RNF213: variants seen among roughly 807,000 people sequenced by gnomAD.
RNF213 encodes ring finger protein 213.
RNF213 carries 341 observed loss-of-function variants against 514.4 expected under a neutral mutation model. The observed-to-expected ratio is 0.66, with a 90% CI of 0.61 to 0.73. RNF213 has a LOEUF of 0.73. Ranked by LOEUF, RNF213 falls within the 30% of genes least tolerant of loss-of-function variation. The pLI, the probability that RNF213 is intolerant of heterozygous loss-of-function variation, is 0.00. For synonymous variants in RNF213, 2,655 were observed against 2,658.2 expected (o/e 1.00, Z 0.04); for missense variants, 5,767 against 6,615.6 (o/e 0.87, Z 4.45).
Position 80,347,081 on chromosome 17 carries a change from G to T in RNF213, c.8746G>T (p.Gly2916Cys), listed in dbSNP as rs577040275. 1 of 1,614,080 alleles carries T rather than the reference G, an allele frequency of 6.2e-7. No homozygotes were observed. The highest frequency in any genetic ancestry group is 8.5e-7 in the Non-Finnish European group (1 of 1,180,020). Residue 2916 changes from glycine to cysteine, a missense_variant, in exon 29 of 68, where the codon GGC becomes TGC. Gly to Cys is a radical substitution (Grantham distance 159). Transcript: ENST00000582970. The surrounding 1 kb of genome is among the most constrained non-coding windows in gnomAD (Gnocchi z 7.2). The part of the protein sequence containing the change: ...NETELIESAK[G>C]ICSSDILVQD... ...GACAGAGCTCATAGAGAGCGCCAAGGGCATCTGCTCCTCAGACATCCTCGT... is the reference window on the plus strand; with the variant it reads ...GACAGAGCTCATAGAGAGCGCCAAGTGCATCTGCTCCTCAGACATCCTCGT...
At chr17:80,349,094 G>A (rs945379394) in intron 29 of RNF213, among the ~76,000 whole-genome samples, 2 of 152,202 alleles carry the variant, frequency 1.3e-5, no homozygotes, top group Non-Finnish European at 2.9e-5. Flanking sequence ...CCACCACCCA[G>A]TGGGGGGATG....
At chr17:80,354,230 C>T (rs915704311) in intron 35 of RNF213, 64 bp downstream of exon 35, 3 of 1,575,534 alleles carry the variant, frequency 1.9e-6, no homozygotes, top group Non-Finnish European at 1.7e-6. Flanking sequence ...GAGTGGGCAT[C>T]ATTTCACTGT....
rs568226564 is a variant in RNF213, at chr17:80,290,912, C to T, written c.1271+184C>T. ...GCAGCCTCCGCCTCCTGGGTTCAAG[C>T]GATTCTCATGCCTCAGCTCCCAAGT... On this transcript the variant is annotated intron_variant, in intron 7 of 67. Transcript: ENST00000582970. Among the ~76,000 whole-genome samples, 86 of 151,744 alleles carry T rather than the reference C, an allele frequency of 5.7e-4. 1 individual carries two copies. The highest frequency in any genetic ancestry group is 3.4e-3 in the Middle Eastern group (1 of 290).
Position 80,263,515 on chromosome 17 carries a change from C to T in RNF213, c.-108-59C>T. On this transcript the variant is annotated intron_variant, in intron 1 of 67. Coordinates refer to ENST00000582970, the MANE Select transcript of RNF213 (RefSeq NM_001256071.3). The surrounding 1 kb of genome is among the most constrained non-coding windows in gnomAD (Gnocchi z 4.9). The stretch of plus-strand genomic sequence containing the variant: ...GGAGGGGCTGGGCTTGGGCTGTGCT[C>T]CTGTTGGGTTTCCATTAACCAGGGG... 1.5e-6 allele frequency: 1 copy of T among 672,504 alleles called. No individual in the cohort carries two copies. The allele number at this position is 672,504 out of a possible 1,614,324, so 41.7% of individuals were successfully genotyped here.
At chr17:80,286,946 C>T (rs2044492859) in intron 3 of RNF213, among the ~76,000 whole-genome samples, 1 of 152,222 alleles carries the variant, frequency 6.6e-6, no homozygotes, top group Non-Finnish European at 1.5e-5. Flanking sequence ...GCTGTGCCTG[C>T]TGAGGGTGCG....
At position 80,336,388 on chromosome 17, in the gene RNF213, A is replaced by T. The variant is rs2077988252; in HGVS notation, c.4527+10A>T. 6.5e-7 allele frequency: 1 copy of T among 1,536,508 alleles called. No individual in the cohort carries two copies. Among genetic ancestry groups the T allele is most frequent in the Non-Finnish European group, 8.7e-7 (1 of 1,146,354 alleles). ...CCTGCCCAGGAAACTGGTGAGTCTT[A>T]TTCTGTCTCTAATGCAGATTTTGTT... On this transcript the variant is annotated intron_variant, in intron 23 of 67. Coordinates refer to ENST00000582970, the MANE Select transcript of RNF213 (RefSeq NM_001256071.3).
At chr17:80,393,213 T>G (rs2080554125) in intron 67 of RNF213, 132 bp from the exon 68 acceptor site, 2 of 877,922 alleles carry the variant, frequency 2.3e-6, no homozygotes, top group Admixed American at 3.8e-5. Flanking sequence ...ACTCCTGACC[T>G]CCACTGACCC....
At chr17:80,290,484 CACGT>C (rs1341645725) in intron 6 of RNF213, 82 bp from the exon 7 acceptor site, 1 of 1,523,346 alleles carries the variant, frequency 6.6e-7, no homozygotes, top group Non-Finnish European at 9.1e-7. Flanking sequence ...TGTGTGTGCG[CACGT>C]GTGTGTGTGC....
intron 3 of RNF213, chr17:80,279,025 T>TGCCC: frequency 7.1e-7 from 1 of 1,405,592 alleles, no homozygotes. Context: ...CGAGGAAGGC[T>TGCCC]GCCCAGGATG....
chr17:80,278,795 C>T (rs1341366717), intron 3 of RNF213: 23 of 1,537,088 alleles, frequency 1.5e-5, no homozygotes, highest in Non-Finnish European at 2.0e-5. Flanking sequence ...GTAGATGCTG[C>T]TGTAGACCTC....
Position 80,347,411 on chromosome 17 carries a change from T to C in RNF213, c.9076T>C (p.Ser3026Pro), listed in dbSNP as rs1568107848. The C allele has an allele frequency of 1.9e-6, 3 of 1,613,922 alleles. No homozygotes were observed. The highest frequency in any genetic ancestry group is 2.5e-6 in the Non-Finnish European group (3 of 1,180,028). Residue 3026 changes from serine (S) to proline (P), a missense_variant, in exon 29 of 68, where the codon TCT becomes CCT. Coordinates refer to ENST00000582970, the MANE Select transcript of RNF213 (RefSeq NM_001256071.3). This position sits in a 1 kb window ranked among gnomAD's most constrained non-coding sequence, Gnocchi z 7.2. The stretch of plus-strand genomic sequence containing the variant: ...GATCAAACAGAACATCTTTGGGCCT[T>C]CTCAGAAGGTGCCGGGTGGAGAGCA... ...QLIKQNIFGP[S>P]QKVPGGEQED... is the part of the protein sequence containing the mutation.
In RNF213 at chr17:80,358,483, A is replaced by G. The variant is rs367780163; in HGVS notation, c.11054+4A>G. ...CTCTTGTGATGAATAATGAAAGGTG[A>G]GTGGAAGGCTTTCTTTCCCTGGGGA... On this transcript the variant is annotated splice_donor_region_variant and intron_variant, in intron 37 of 67. Coordinates refer to ENST00000582970, the MANE Select transcript of RNF213 (RefSeq NM_001256071.3). The G allele has an allele frequency of 2.0e-5, 32 of 1,612,048 alleles. No homozygotes were observed. Among genetic ancestry groups the G allele is most frequent in the Non-Finnish European group, 2.7e-5 (32 of 1,178,334 alleles).
chr17:80,272,663 T>C (rs9902013), intron 2 of RNF213, among the ~76,000 whole-genome samples: 22,039 of 152,104 alleles, frequency 0.14, 2,837 homozygotes, highest in African/African-American at 0.33. Context: ...TTGGTGGGGA[T>C]GGACAAAGTG....
At chr17:80,287,531 A>G (rs1204702491) in intron 3 of RNF213, among the ~76,000 whole-genome samples, 10 of 152,206 alleles carry the variant, frequency 6.6e-5, no homozygotes, top group Admixed American at 1.3e-4. Context: ...AATCCATCTC[A>G]GTGGATGTCC....
At chr17:80,304,864 G>A (rs1382056899) in intron 11 of RNF213, among the ~76,000 whole-genome samples, 1 of 151,794 alleles carries the variant, frequency 6.6e-6, no homozygotes, top group Admixed American at 6.6e-5. Flanking sequence ...CATGAAACAC[G>A]ACCTCCACAC....
At chr17:80,364,659 A>G (rs751674154) in intron 42 of RNF213, 106 bp downstream of exon 42, 52 of 1,429,408 alleles carry the variant, frequency 3.6e-5, no homozygotes, top group Non-Finnish European at 4.6e-5. Flanking sequence ...TTTGGCTCTG[A>G]CCGTTTTGTC....
chr17:80,312,368 G>A (rs1810756770), intron 14 of RNF213, among the ~76,000 whole-genome samples: 1 of 152,146 alleles, frequency 6.6e-6, no homozygotes, highest in Non-Finnish European at 1.5e-5. Context: ...TGGTCTGGTG[G>A]GTCCGGCACG....
rs192281057 is a variant in RNF213, at chr17:80,353,151, G to T, written c.10423+92G>T. On this transcript the variant is annotated intron_variant, in intron 33 of 67. Transcript: ENST00000582970. This position sits in a 1 kb window ranked among gnomAD's most constrained non-coding sequence, Gnocchi z 5.0. ...GGCGTGCACATGGCACTAGGAGCAG[G>T]GCCACCGTGTTTCGTCCCTCGGCAG... is the stretch of plus-strand genomic sequence containing the variant. 1.3e-6 allele frequency: 2 copies of T among 1,548,886 alleles called. No individual in the cohort carries two copies. Among genetic ancestry groups the T allele is most frequent in the Non-Finnish European group, 1.8e-6 (2 of 1,134,302 alleles).
chr17:80,263,569 C>A lies in RNF213; in HGVS notation c.-108-5C>A, dbSNP rs899526386. 1.6e-5 allele frequency: 15 copies of A among 911,550 alleles called. No homozygotes were observed. The Admixed American group carries it at 2.3e-4, about 14-fold the overall frequency. The allele number at this position is 911,550 out of a possible 1,614,324, so 56.5% of individuals were successfully genotyped here. Reference sequence around the variant, plus strand: ...AGCTGGGCTGCTGTGATTTCACTTTCGCAGAAAATGAAACTGAAGCCGTGG... The same window carrying A: ...AGCTGGGCTGCTGTGATTTCACTTTAGCAGAAAATGAAACTGAAGCCGTGG... On this transcript the variant is annotated splice_region_variant and splice_polypyrimidine_tract_variant and intron_variant, in intron 1 of 67. Transcript: ENST00000582970. This position sits in a 1 kb window ranked among gnomAD's most constrained non-coding sequence, Gnocchi z 4.9.
Sources: allele counts gnomAD v4.1 joint callset (sites outside exome capture counted in the v4.1 genomes callset), GRCh38; gene constraint gnomAD v4.1.1; non-coding constraint Gnocchi (gnomAD v3.1); transcripts MANE v1.5; gene names NCBI Gene and HGNC (gene_info 2026-07-23, HGNC 2026-07-21).